The following IQSEC1 variants were observed in gnomAD, a reference collection of about 807,000 sequenced individuals.
IQSEC1 encodes IQ motif and SEC7 domain-containing protein 1.
In IQSEC1, 31 loss-of-function variants were observed where a neutral mutation model predicts 91.0. That is an observed-to-expected ratio of 0.34 (90% CI 0.26 to 0.46). The LOEUF (loss-of-function observed/expected upper bound fraction) is 0.46. Ranked by LOEUF, IQSEC1 falls within the 20% of genes least tolerant of loss-of-function variation. The pLI, the probability that IQSEC1 is intolerant of heterozygous loss-of-function variation, is 1.00. For missense variants in IQSEC1, 1,388 were observed against 1,575.6 expected (o/e 0.88, Z 2.02); for synonymous variants, 699 against 662.6 (o/e 1.05, Z -0.84).
chr3:12,985,901 G>A (rs1324347906), intron 1 of IQSEC1, among the ~76,000 whole-genome samples: 1 of 152,138 alleles, frequency 6.6e-6, no homozygotes, highest in Non-Finnish European at 1.5e-5. Flanking sequence ...AATGGCCCAG[G>A]CAGAAAAGAA....
chr3:13,254,032 A>G (rs1260847687), intron 1 of IQSEC1, among the ~76,000 whole-genome samples: 1 of 152,200 alleles, frequency 6.6e-6, no homozygotes, highest in African/African-American at 2.4e-5. Context: ...ACATAACTAC[A>G]AGCCCTGCCT....
chr3:12,900,937 T>C lies in IQSEC1; in HGVS notation c.*46A>G, dbSNP rs756211244. The C allele has an allele frequency of 6.5e-7, 1 of 1,538,544 alleles. No individual in the cohort carries two copies. Among genetic ancestry groups the C allele is most frequent in the Non-Finnish European group, 8.7e-7 (1 of 1,146,482 alleles). On this transcript the variant is annotated 3_prime_UTR_variant, in exon 14 of 14. Transcript: ENST00000613206. ...TGGCGACCCCCGGGCGTGCCCTGTG[T>C]GGTGTGCAGGTGTTTCAGGGAGCCT...
intron 1 of IQSEC1, among the ~76,000 whole-genome samples, chr3:13,281,566 G>A (rs767479104): frequency 3.3e-5 from 5 of 152,120 alleles, no homozygotes; most frequent in Middle Eastern, 3.2e-3. Context: ...CACCCTCCAG[G>A]CAGGGCAGCA....
intron 1 of IQSEC1, among the ~76,000 whole-genome samples, chr3:12,985,385 G>A (rs1013891250): frequency 4.6e-5 from 7 of 152,122 alleles, no homozygotes; most frequent in African/African-American, 1.7e-4. Context: ...CCCAGGCCCC[G>A]CCCTTGCTCT....
chr3:12,902,860 C>T (rs1180642408), intron 12 of IQSEC1, 38 bp from the exon 13 acceptor site: 12 of 1,552,324 alleles, frequency 7.7e-6, no homozygotes, highest in Non-Finnish European at 9.8e-6. Flanking sequence ...TAGACGCGGA[C>T]ATGAGGCTGG....
intron 1 of IQSEC1, among the ~76,000 whole-genome samples, chr3:12,942,776 T>C (rs1316270350): frequency 6.6e-6 from 1 of 152,188 alleles, no homozygotes; most frequent in Admixed American, 6.5e-5. Context: ...AACAGGGTCT[T>C]TGTGGACACT....
At chr3:13,138,338 C>T in intron 2 of IQSEC1, among the ~76,000 whole-genome samples, 1 of 151,904 alleles carries the variant, frequency 6.6e-6, no homozygotes, top group East Asian at 1.9e-4. Context: ...GCCTGGCAAG[C>T]AGGCCCTAGG....
intron 1 of IQSEC1, among the ~76,000 whole-genome samples, chr3:13,221,763 G>A (rs756635782): frequency 9.2e-5 from 14 of 152,374 alleles, no homozygotes; most frequent in South Asian, 2.1e-4. Context: ...AGCTGCCTCC[G>A]GCATTGGCAT....
chr3:12,931,443 G>A (rs1484189449), intron 3 of IQSEC1, among the ~76,000 whole-genome samples: 2 of 152,334 alleles, frequency 1.3e-5, no homozygotes, highest in East Asian at 1.9e-4. Flanking sequence ...CTGCACCTAC[G>A]CTTCCCAGGA....
intron 1 of IQSEC1, among the ~76,000 whole-genome samples, chr3:13,200,688 C>T (rs1164061939): frequency 1.3e-5 from 2 of 152,186 alleles, no homozygotes; most frequent in Non-Finnish European, 2.9e-5. Context: ...GGCTGCTTTC[C>T]GGAAGATGGC....
intron 1 of IQSEC1, among the ~76,000 whole-genome samples, chr3:13,196,247 C>T (rs746443704): frequency 1.3e-5 from 2 of 152,156 alleles, no homozygotes; most frequent in Non-Finnish European, 2.9e-5. Context: ...GACCGAGACA[C>T]GTTAGTGACA....
intron 1 of IQSEC1, among the ~76,000 whole-genome samples, chr3:13,176,200 C>T (rs538880690): frequency 1.3e-5 from 2 of 152,308 alleles, no homozygotes; most frequent in African/African-American, 4.8e-5. Context: ...AAGCAGATCC[C>T]CCGACTCCAG....
chr3:12,978,595 C>G (rs1484719096), intron 1 of IQSEC1, among the ~76,000 whole-genome samples: 1 of 151,902 alleles, frequency 6.6e-6, no homozygotes, highest in Non-Finnish European at 1.5e-5. Context: ...CTCCCAGCTA[C>G]TCGGGAGGCT....
intron 1 of IQSEC1, among the ~76,000 whole-genome samples, chr3:12,984,969 C>T (rs1233352072): frequency 2.6e-5 from 4 of 151,436 alleles, no homozygotes; most frequent in African/African-American, 7.3e-5. Context: ...GGATTACAGG[C>T]GCCCACCACC....
intron 2 of IQSEC1, among the ~76,000 whole-genome samples, chr3:13,117,705 T>C (rs1706359662): frequency 1.4e-5 from 2 of 145,778 alleles, no homozygotes; most frequent in Admixed American, 1.4e-4. Context: ...GCCAATATGG[T>C]GAAACCCCAT....
At chr3:13,164,585 C>T (rs1263789844) in intron 1 of IQSEC1, among the ~76,000 whole-genome samples, 2 of 152,184 alleles carry the variant, frequency 1.3e-5, no homozygotes, top group South Asian at 2.1e-4. Flanking sequence ...AGTGTTATTT[C>T]CCCAGAACCA....
At chr3:13,050,157 A>C (rs1236474140) in intron 1 of IQSEC1, among the ~76,000 whole-genome samples, 1 of 149,724 alleles carries the variant, frequency 6.7e-6, no homozygotes, top group Non-Finnish European at 1.5e-5. Context: ...TATAGCTAGG[A>C]CTGGCTCTGA....
In IQSEC1 at chr3:12,901,446, G is replaced by A. The variant is rs993470809; in HGVS notation, c.2882C>T (p.Thr961Ile). ...TRECPSRPHQ[T>I]MPNSSSLLGS... ...CAGGAGGGAAGATGAGTTGGGCATA[G>A]TCTGGTGTGGGCGAGATGGACACTC... Residue 961 changes from threonine to isoleucine, a missense_variant, in exon 14 of 14, where the codon ACT (threonine) becomes ATT (isoleucine). Physicochemically the swap from Thr to Ile is moderately conservative, Grantham distance 89 (BLOSUM62 -1). This residue lies in a region of IQSEC1 where 329 missense variants were observed against 257.8 expected (regional missense o/e 1.28). Transcript: ENST00000613206. The A allele has an allele frequency of 4.5e-6, 7 of 1,548,868 alleles. No homozygotes were observed. Among genetic ancestry groups the A allele is most frequent in the Admixed American group, 2.0e-5 (1 of 50,974 alleles).
intron 1 of IQSEC1, among the ~76,000 whole-genome samples, chr3:12,962,209 G>C (rs1700282773): frequency 6.6e-6 from 1 of 152,210 alleles, no homozygotes; most frequent in Non-Finnish European, 1.5e-5. Context: ...AGGGCAGCCA[G>C]AATAAGGACA....
Sources: gnomAD v4.1 joint callset for allele counts (sites outside exome capture counted in the v4.1 genomes callset) on GRCh38, gnomAD v4.1.1 for gene constraint, gnomAD v4.1.1 regional missense constraint, MANE v1.5 for transcripts, NCBI Gene and HGNC (gene_info 2026-07-23, HGNC 2026-07-21) for gene names.